The following FHL3 variants were observed in gnomAD, a reference collection of about 807,000 sequenced individuals.
FHL3 encodes four and a half LIM domains 3.
A neutral mutation model predicts 34.3 loss-of-function variants in FHL3; 21 were observed. The ratio of observed to expected loss-of-function variants is 0.61; its 90% CI spans 0.43 to 0.88. The LOEUF (loss-of-function observed/expected upper bound fraction) is 0.88. FHL3 is among the 40% of genes least tolerant of loss of function. The probability of loss-of-function intolerance (pLI) is 0.00; values close to 1 mark genes in which losing one functional copy is unlikely to be tolerated. For synonymous variants in FHL3, 137 were observed against 144.6 expected, an observed-to-expected ratio of 0.95 and a Z score of 0.38; for missense variants, 333 against 373.7, an observed-to-expected ratio of 0.89 and a Z score of 0.90.
rs371134567 is a variant in FHL3 at position 38,001,572 on chromosome 1, C to T, written c.-20-2140G>A. ...GACAGAGTAAAGGGCACCAACAAGG[C>T]CCACCTGTCTCTGCCCATACCCCTC... is the stretch of plus-strand genomic sequence containing the variant. On this transcript the variant is annotated intron_variant, in intron 1 of 5. Coordinates refer to ENST00000373016, the MANE Select transcript of FHL3 (RefSeq NM_004468.5). Among the ~76,000 whole-genome samples the T allele has an allele frequency of 2.0e-5, 3 of 152,248 alleles. No individual in the cohort carries two copies. In the East Asian group the frequency reaches 5.8e-4, roughly 29 times the overall value.
chr1:38,003,692 A>C (rs957744378), intron 1 of FHL3, among the ~76,000 whole-genome samples: 2 of 152,180 alleles, frequency 1.3e-5, no homozygotes, highest in African/African-American at 2.4e-5. Context: ...GAGCACAAGG[A>C]GGCCAGGAAT....
At chr1:38,001,409 A>G (rs1399850865) in intron 1 of FHL3, among the ~76,000 whole-genome samples, 2 of 152,208 alleles carry the variant, frequency 1.3e-5, no homozygotes, top group African/African-American at 2.4e-5. Context: ...TCTCAGGCCC[A>G]GGCTAGACTT....
chr1:37,999,915 T>TA (rs757014544), intron 1 of FHL3, among the ~76,000 whole-genome samples: 2 of 152,312 alleles, frequency 1.3e-5, no homozygotes, highest in Non-Finnish European at 2.9e-5. Flanking sequence ...GTACAGAACT[T>TA]AGAGACGGGA....
Position 38,001,793 on chromosome 1 carries a change from G to GT in FHL3, c.-20-2362dup, listed in dbSNP as rs372744323. On this transcript the variant is annotated intron_variant, in intron 1 of 5. Coordinates refer to ENST00000373016, the MANE Select transcript of FHL3 (RefSeq NM_004468.5). ...ACCTCCTGGAGCTCAGAATGACTGC[G>GT]TAACTGGCTATGGTGTATGGAGCAG... 1.3e-3 allele frequency among the ~76,000 whole-genome samples: 199 copies of GT among 152,300 alleles called. 1 individual carries two copies. The highest frequency in any genetic ancestry group is 4.5e-3 in the African/African-American group (187 of 41,558).
rs1261174076 is a variant in FHL3 at position 37,997,271 on chromosome 1, G to A, written c.*134C>T. 1 of 922,906 alleles carries A rather than the reference G, an allele frequency of 1.1e-6. No homozygotes were observed. Among genetic ancestry groups the A allele is most frequent in the Non-Finnish European group, 1.7e-6 (1 of 605,572 alleles). The allele number at this position is 922,906 out of a possible 1,614,324, so 57.2% of individuals were successfully genotyped here. ...AGTACCAGTTTGGGGATGCTGGAGT[G>A]GGGAGACAATCCTGGAGCCCAGAAG... On this transcript the variant is annotated 3_prime_UTR_variant, in exon 6 of 6. Transcript: ENST00000373016. This position sits in a 1 kb window ranked among gnomAD's most constrained non-coding sequence, Gnocchi z 4.3.
rs1449901138 is a variant in FHL3, at chr1:37,999,045, A to C, written c.260T>G (p.Leu87Arg). The change falls in exon 3 of 6, where the codon CTG becomes CGG. Residue 87 changes from leucine to arginine, a missense_variant. Leu to Arg is a moderately radical substitution (Grantham distance 102, BLOSUM62 -2). Transcript: ENST00000373016. ...DEPFTCQDSE[L>R]LCNDCYCSAF... ...ACTGCAGTAGCAGTCATTGCAGAGCAGCTCACTGTCCTGGCAGGTGAAGGG... is the reference window on the plus strand; with the variant it reads ...ACTGCAGTAGCAGTCATTGCAGAGCCGCTCACTGTCCTGGCAGGTGAAGGG... The C allele has an allele frequency of 1.2e-6, 2 of 1,614,152 alleles. No individual in the cohort carries two copies. The highest frequency in any genetic ancestry group is 1.7e-6 in the Non-Finnish European group (2 of 1,180,050).
chr1:37,999,068 G>C lies in FHL3; in HGVS notation c.237C>G (p.Pro79=). The C allele has an allele frequency of 6.2e-7, 1 of 1,614,250 alleles. No homozygotes were observed. Among genetic ancestry groups the C allele is most frequent in the Non-Finnish European group, 8.5e-7 (1 of 1,180,052 alleles). ...GCAGCTCACTGTCCTGGCAGGTGAA[G>C]GGTTCATCGGCTAGTGAGCGCTGGC... The part of the protein sequence containing the change: ...CRCQRSLADE[P]FTCQDSELLC... The change falls in exon 3 of 6, where the codon CCC becomes CCG. Residue 79 remains proline, a synonymous_variant. Coordinates refer to ENST00000373016, the MANE Select transcript of FHL3 (RefSeq NM_004468.5).
At chr1:38,000,669 C>T (rs940029336) in intron 1 of FHL3, among the ~76,000 whole-genome samples, 5 of 152,126 alleles carry the variant, frequency 3.3e-5, no homozygotes, top group Non-Finnish European at 5.9e-5. Flanking sequence ...GGAACAGGAG[C>T]CTAGGGAGTG....
rs1646555457 is a variant in FHL3, at chr1:37,998,197, C to A, written c.332-65G>T. On this transcript the variant is annotated intron_variant, in intron 3 of 5. Coordinates refer to ENST00000373016, the MANE Select transcript of FHL3 (RefSeq NM_004468.5). ...TGCTCCTGAGGGCCACCCTCTGTAA[C>A]TTCCCCAGGAGTCTCCACTCCTCTC... The A allele has an allele frequency of 1.6e-5, 24 of 1,486,782 alleles. No individual in the cohort carries two copies. In the South Asian group the frequency reaches 2.2e-4, roughly 14 times the overall value. The allele number at this position is 1,486,782 out of a possible 1,614,324, so 92.1% of individuals were successfully genotyped here.
At position 37,998,234 on chromosome 1, in the gene FHL3, A is replaced by G. The variant is rs1646555915; in HGVS notation, c.332-102T>C. ...TCTCCACTCCTCTCTCAGCGTGAGC[A>G]GGGTGGTGTCCGTGCACATGCAGCA... On this transcript the variant is annotated intron_variant, in intron 3 of 5. Coordinates refer to ENST00000373016, the MANE Select transcript of FHL3 (RefSeq NM_004468.5). The G allele has an allele frequency of 8.4e-6, 9 of 1,066,776 alleles. No homozygotes were observed. The East Asian group carries it at 1.9e-4, about 23-fold the overall frequency. The allele number at this position is 1,066,776 out of a possible 1,614,324, so 66.1% of individuals were successfully genotyped here.
intron 1 of FHL3, among the ~76,000 whole-genome samples, chr1:38,000,535 G>A (rs1346925244): frequency 1.3e-5 from 2 of 152,134 alleles, no homozygotes; most frequent in East Asian, 3.9e-4. Context: ...TGGGGAGTAG[G>A]ACAAGGGGGA....
chr1:37,999,297 G>C lies in FHL3; in HGVS notation c.116C>G (p.Thr39Ser), dbSNP rs1479221011. ...VPCYDNTFAN[T>S]CAECQQLIGH... ...GATAAGCTGCTGGCACTCAGCACAG[G>C]TGTTGGCAAAGGTATTGTCATAGCA... The change falls in exon 2 of 6, where the codon ACC becomes AGC. Residue 39 changes from threonine to serine, a missense_variant. Transcript: ENST00000373016. 1 of 1,614,224 alleles carries C rather than the reference G, an allele frequency of 6.2e-7. No homozygotes were observed. Among genetic ancestry groups the C allele is most frequent in the East Asian group, 2.2e-5 (1 of 44,890 alleles).
intron 1 of FHL3, 48 bp from the exon 2 acceptor site, chr1:37,999,480 C>T (rs1039806811): frequency 1.3e-6 from 2 of 1,577,596 alleles, no homozygotes; most frequent in African/African-American, 1.3e-5. Context: ...GAGGCTGTGG[C>T]TTGGCTCCTG....
chr1:38,002,068 C>T (rs867746160), intron 1 of FHL3, among the ~76,000 whole-genome samples: 49 of 151,572 alleles, frequency 3.2e-4, no homozygotes, highest in Middle Eastern at 3.4e-3. Context: ...AGCAGTTTCA[C>T]AGGCAGGTCT....
chr1:37,997,656 C>G lies in FHL3; in HGVS notation c.688+28G>C, dbSNP rs1047769854. 5 of 1,613,258 alleles carry G rather than the reference C, an allele frequency of 3.1e-6. No individual in the cohort carries two copies. Among genetic ancestry groups the G allele is most frequent in the South Asian group, 1.1e-5 (1 of 91,012 alleles). ...TCCCACTCCCTTGCCTGCACCCTAC[C>G]CACTCCGTTCTTTGACCCTTGTCCC... On this transcript the variant is annotated intron_variant, in intron 5 of 5. Transcript: ENST00000373016. This position sits in a 1 kb window ranked among gnomAD's most constrained non-coding sequence, Gnocchi z 4.3.
intron 2 of FHL3, 44 bp downstream of exon 2, chr1:37,999,213 A>G (rs1176126734): frequency 1.2e-6 from 2 of 1,613,774 alleles, no homozygotes; most frequent in Admixed American, 1.7e-5. Flanking sequence ...GCCCCCTTCC[A>G]CTGGTCACCA....
rs939592082 is a variant in FHL3 at position 38,005,502 on chromosome 1, C to G, written c.-166G>C. ...GCGAGGCTGCCGACTGCAGACGGAC[C>G]GTGTGGGCGAGTGGGAGCGCGGCCC... On this transcript the variant is annotated 5_prime_UTR_variant, in exon 1 of 6. Transcript: ENST00000373016. 3 of 150,364 alleles carry G rather than the reference C, an allele frequency of 2.0e-5. No individual in the cohort carries two copies. 9.3% of individuals were successfully genotyped at this position (150,364 alleles called of 1,614,324 possible).
In FHL3 at chr1:38,001,452, G is replaced by A. The variant is rs191084797; in HGVS notation, c.-20-2020C>T. On this transcript the variant is annotated intron_variant, in intron 1 of 5. Coordinates refer to ENST00000373016, the MANE Select transcript of FHL3 (RefSeq NM_004468.5). ...CCCCCTGAGAGACAGTCAGCACTCC[G>A]AAACCAGGGCAACCCAAATAGGGTA... 7.2e-4 allele frequency among the ~76,000 whole-genome samples: 109 copies of A among 152,334 alleles called. No homozygotes were observed. The East Asian group carries it at 0.019, about 26-fold the overall frequency.
At chr1:38,001,096 C>T (rs1205615498) in intron 1 of FHL3, among the ~76,000 whole-genome samples, 1 of 152,276 alleles carries the variant, frequency 6.6e-6, no homozygotes, top group East Asian at 1.9e-4. Context: ...ACTCTCCATA[C>T]ATCAAGCCTC....
Sources: allele counts gnomAD v4.1 joint callset (sites outside exome capture counted in the v4.1 genomes callset), GRCh38; gene constraint gnomAD v4.1.1; non-coding constraint Gnocchi (gnomAD v3.1); transcripts MANE v1.5; gene names NCBI Gene and HGNC (gene_info 2026-07-23, HGNC 2026-07-21).